The following TRIM33 variants were observed in gnomAD, a reference collection of about 807,000 sequenced individuals.
TRIM33 encodes E3 ubiquitin-protein ligase TRIM33.
A neutral mutation model predicts 125.4 loss-of-function variants in TRIM33; 20 were observed. The observed-to-expected ratio is 0.16, with a 90% CI of 0.11 to 0.23. TRIM33 has a LOEUF of 0.23. Among genes scored for constraint, TRIM33 ranks in the 10% least tolerant of loss-of-function variants. The pLI, the probability that TRIM33 is intolerant of heterozygous loss-of-function variation, is 1.00. For missense variants in TRIM33, 920 were observed against 1,411.4 expected (o/e 0.65, Z 5.58); for synonymous variants, 564 against 513.9 (o/e 1.10, Z -1.32).
intron 1 of TRIM33, among the ~76,000 whole-genome samples, chr1:114,504,123 A>ATAG (rs1442473501): frequency 6.6e-6 from 1 of 152,170 alleles, no homozygotes; most frequent in African/African-American, 2.4e-5. Flanking sequence ...AATGACTTTT[A>ATAG]TAGTATGGCT....
chr1:114,440,349 C>CA (rs1171822984), intron 4 of TRIM33, among the ~76,000 whole-genome samples: 1,632 of 134,416 alleles, frequency 0.012, 14 homozygotes, highest in African/African-American at 0.032. Context: ...AATTTTAGAC[C>CA]AAAAAAAAAA....
intron 4 of TRIM33, among the ~76,000 whole-genome samples, chr1:114,452,949 A>T (rs1649404057): frequency 2.6e-5 from 4 of 151,998 alleles, no homozygotes; most frequent in Admixed American, 2.6e-4. Flanking sequence ...TGACTGACTC[A>T]ATAAGCGTAT....
intron 10 of TRIM33, among the ~76,000 whole-genome samples, chr1:114,423,326 C>T (rs930890272): frequency 2.0e-5 from 3 of 152,046 alleles, no homozygotes; most frequent in Non-Finnish European, 4.4e-5. Context: ...AGCTATCTTA[C>T]AGTAAGATAA....
intron 4 of TRIM33, among the ~76,000 whole-genome samples, chr1:114,442,045 G>T (rs6671587): frequency 7.9e-5 from 12 of 152,078 alleles, no homozygotes; most frequent in South Asian, 2.1e-4. Flanking sequence ...CAAATACTCA[G>T]TATCAGTCTC....
chr1:114,501,612 C>G (rs1448768323), intron 1 of TRIM33, among the ~76,000 whole-genome samples: 1 of 152,142 alleles, frequency 6.6e-6, no homozygotes, highest in Non-Finnish European at 1.5e-5. Flanking sequence ...GTGTGAATAA[C>G]AGGAGAAAAG....
chr1:114,426,822 A>G (rs1647620306), intron 8 of TRIM33, among the ~76,000 whole-genome samples: 1 of 152,218 alleles, frequency 6.6e-6, no homozygotes, highest in Non-Finnish European at 1.5e-5. Context: ...CTAATGCACA[A>G]TTTGGCTTAA....
chr1:114,420,584 T>C, intron 11 of TRIM33: 1 of 438,876 alleles, frequency 2.3e-6, no homozygotes, highest in Non-Finnish European at 4.5e-6. Context: ...AACTTTAAAA[T>C]ATTGAGGAAT....
chr1:114,482,273 A>C (rs1012220722), intron 1 of TRIM33, among the ~76,000 whole-genome samples: 4 of 152,054 alleles, frequency 2.6e-5, no homozygotes, highest in African/African-American at 9.7e-5. Flanking sequence ...ATATATTAGA[A>C]AGGAAAAAAA....
chr1:114,476,265 C>T (rs1650973278), intron 1 of TRIM33, among the ~76,000 whole-genome samples: 1 of 151,026 alleles, frequency 6.6e-6, no homozygotes, highest in African/African-American at 2.4e-5. Context: ...ATTTTACAGT[C>T]CACATCCTAT....
intron 1 of TRIM33, among the ~76,000 whole-genome samples, chr1:114,482,029 G>A (rs1180353213): frequency 6.6e-6 from 1 of 152,110 alleles, no homozygotes; most frequent in Admixed American, 6.6e-5. Flanking sequence ...CCAAAGAGCT[G>A]GGATTACAGG....
At chr1:114,405,276 C>A in intron 15 of TRIM33, 134 bp downstream of exon 15, 1 of 655,832 alleles carries the variant, frequency 1.5e-6, no homozygotes, top group Non-Finnish European at 2.6e-6. Flanking sequence ...AAGCTAATAC[C>A]AAAAGAATAA....
intron 11 of TRIM33, among the ~76,000 whole-genome samples, chr1:114,419,483 A>T (rs763527297): frequency 2.6e-5 from 4 of 152,160 alleles, no homozygotes; most frequent in Non-Finnish European, 4.4e-5. Flanking sequence ...TAAGCATTAA[A>T]CTTATATATT....
At chr1:114,484,440 G>GT (rs1324862000) in intron 1 of TRIM33, among the ~76,000 whole-genome samples, 2 of 152,116 alleles carry the variant, frequency 1.3e-5, no homozygotes, top group East Asian at 3.9e-4. Context: ...AAAAATGTGT[G>GT]TTTAGGCTGG....
intron 6 of TRIM33, 21 bp from the exon 7 acceptor site, chr1:114,427,915 C>A (rs199868272): frequency 3.1e-6 from 5 of 1,611,282 alleles, no homozygotes; most frequent in Non-Finnish European, 4.2e-6. Context: ...ACAAGAGCTT[C>A]GCTGTAGAAT....
intron 4 of TRIM33, among the ~76,000 whole-genome samples, chr1:114,446,621 T>C (rs1218170868): frequency 6.6e-6 from 1 of 151,882 alleles, no homozygotes; most frequent in Non-Finnish European, 1.5e-5. Flanking sequence ...AAACTATTTA[T>C]AAACTTAAAA....
At chr1:114,440,905 A>G (rs1189288647) in intron 4 of TRIM33, among the ~76,000 whole-genome samples, 1 of 152,266 alleles carries the variant, frequency 6.6e-6, no homozygotes, top group Admixed American at 6.5e-5. Context: ...AGACACAATC[A>G]CAACGCACAT....
At chr1:114,427,945 A>G (rs1424788118) in intron 6 of TRIM33, 51 bp from the exon 7 acceptor site, 1 of 1,597,324 alleles carries the variant, frequency 6.3e-7, no homozygotes, top group Admixed American at 1.7e-5. Flanking sequence ...AAAAAAATCA[A>G]CCCCACATTT....
At chr1:114,448,402 G>T (rs1196395205) in intron 4 of TRIM33, among the ~76,000 whole-genome samples, 1 of 152,164 alleles carries the variant, frequency 6.6e-6, no homozygotes, top group African/African-American at 2.4e-5. Context: ...ATTTAAAAGA[G>T]GGAAAGGTAT....
At chr1:114,429,385 G>A (rs1266744673) in intron 6 of TRIM33, among the ~76,000 whole-genome samples, 4 of 151,448 alleles carry the variant, frequency 2.6e-5, no homozygotes, top group Admixed American at 6.6e-5. Flanking sequence ...TAGAGATGGG[G>A]TTTCACCATG....
Sources: allele counts gnomAD v4.1 joint callset (sites outside exome capture counted in the v4.1 genomes callset), GRCh38; gene constraint gnomAD v4.1.1; transcripts MANE v1.5; gene names NCBI Gene and HGNC (gene_info 2026-07-23, HGNC 2026-07-21).